ANXA8: variants seen among roughly 807,000 people sequenced by gnomAD.
The protein encoded by ANXA8 is VAC-beta.
Under a neutral mutation model 26.8 loss-of-function variants are expected in ANXA8, and 9 were observed. That is an observed-to-expected ratio of 0.34 (90% CI 0.20 to 0.59). The LOEUF is 0.59. Among genes scored for constraint, ANXA8 ranks in the 20% least tolerant of loss-of-function variants. The pLI, the probability that ANXA8 is intolerant of heterozygous loss-of-function variation, is 0.84. For synonymous variants in ANXA8, 39 were observed against 94.8 expected, an observed-to-expected ratio of 0.41 and a Z score of 3.42; for missense variants, 83 against 238.5, an observed-to-expected ratio of 0.35 and a Z score of 4.29.
At chr10:47,578,754 CAAA>C in the ANXA8 span, among the ~76,000 whole-genome samples, 7 of 147,550 alleles carry the variant, frequency 4.7e-5, no homozygotes, top group Admixed American at 1.4e-4. Flanking sequence ...TAACCAAACA[CAAA>C]AGAAGGTACT....
At chr10:47,684,441 G>T in the ANXA8 span, among the ~76,000 whole-genome samples, 17 of 151,776 alleles carry the variant, frequency 1.1e-4, no homozygotes, top group Non-Finnish European at 2.2e-4. Context: ...GGGTGAGGAG[G>T]GTAGGGTAAC....
the ANXA8 span, among the ~76,000 whole-genome samples, chr10:47,749,381 A>C: frequency 6.6e-6 from 1 of 151,846 alleles, no homozygotes; most frequent in Non-Finnish European, 1.5e-5. Context: ...ATAATAAAAA[A>C]AAAACAGAGT....
upstream of ANXA8, among the ~76,000 whole-genome samples, chr10:47,485,592 C>T (rs1377575981): frequency 4.1e-4 from 62 of 152,076 alleles, 2 homozygotes; most frequent in African/African-American, 1.3e-3. Flanking sequence ...ACCTTTTTTT[C>T]TCATTTCTGC....
At chr10:47,610,644 A>G in the ANXA8 span, among the ~76,000 whole-genome samples, 3 of 147,188 alleles carry the variant, frequency 2.0e-5, no homozygotes, top group South Asian at 6.5e-4. Flanking sequence ...TTCATTTTAA[A>G]AATTTTAACT....
chr10:47,627,200 A>G, the ANXA8 span, among the ~76,000 whole-genome samples: 1 of 150,060 alleles, frequency 6.7e-6, no homozygotes, highest in Non-Finnish European at 1.5e-5. Flanking sequence ...CTTTTCATGT[A>G]CTCTTAACTT....
chr10:47,676,211 T>C, the ANXA8 span, among the ~76,000 whole-genome samples: 42 of 151,728 alleles, frequency 2.8e-4, no homozygotes, highest in East Asian at 7.9e-3. Flanking sequence ...GTCTAACATA[T>C]ATGTAATTGG....
the ANXA8 span, among the ~76,000 whole-genome samples, chr10:47,722,886 A>C: frequency 6.3e-5 from 9 of 142,260 alleles, 1 homozygote; most frequent in Non-Finnish European, 9.3e-5. Flanking sequence ...AAGCGGTAGG[A>C]ATAAAAAGAA....
the ANXA8 span, among the ~76,000 whole-genome samples, chr10:47,768,340 G>A: frequency 6.6e-6 from 1 of 151,604 alleles, no homozygotes; most frequent in African/African-American, 2.4e-5. Context: ...TGAGCCATAA[G>A]AGGGCAGAAA....
chr10:47,945,073 T>C, the ANXA8 span, among the ~76,000 whole-genome samples: 5 of 150,466 alleles, frequency 3.3e-5, no homozygotes, highest in East Asian at 1.0e-3. Flanking sequence ...TCTATGTCAC[T>C]CCCTCTGGGA....
intron 1 of ANXA8, among the ~76,000 whole-genome samples, chr10:47,483,137 G>A (rs1839895932): frequency 6.6e-6 from 1 of 151,652 alleles, no homozygotes; most frequent in African/African-American, 2.4e-5. Flanking sequence ...AAGCTCCCGA[G>A]AACCCATCAG....
the ANXA8 span, among the ~76,000 whole-genome samples, chr10:47,701,742 G>A: frequency 6.6e-6 from 1 of 151,806 alleles, no homozygotes; most frequent in East Asian, 1.9e-4. Context: ...GGGCACGTAG[G>A]AGAGGGGTGG....
chr10:47,558,060 T>G, the ANXA8 span, among the ~76,000 whole-genome samples: 1 of 151,912 alleles, frequency 6.6e-6, no homozygotes, highest in East Asian at 1.9e-4. Context: ...TGCTTTGTGC[T>G]GTGTATAGTT....
the ANXA8 span, among the ~76,000 whole-genome samples, chr10:47,573,995 A>G: frequency 1.4e-5 from 2 of 141,452 alleles, no homozygotes; most frequent in South Asian, 4.6e-4. Flanking sequence ...AAAACATTAC[A>G]GTATACTGAT....
the ANXA8 span, among the ~76,000 whole-genome samples, chr10:47,663,591 G>A: frequency 1.6e-5 from 2 of 128,590 alleles, no homozygotes; most frequent in Non-Finnish European, 3.2e-5. Flanking sequence ...CACTATGTTG[G>A]CAGGCTGGTC....
At chr10:47,619,562 C>A in the ANXA8 span, among the ~76,000 whole-genome samples, 13 of 120,192 alleles carry the variant, frequency 1.1e-4, no homozygotes, top group Admixed American at 1.1e-3. Context: ...AAATTGTGGC[C>A]GCAGAATTCT....
the ANXA8 span, among the ~76,000 whole-genome samples, chr10:47,668,058 C>G: frequency 2.4e-3 from 359 of 151,582 alleles, 2 homozygotes; most frequent in African/African-American, 7.8e-3. Context: ...TTTTCAGTTA[C>G]GAAACTTACA....
At chr10:47,670,171 G>T in the ANXA8 span, among the ~76,000 whole-genome samples, 25 of 151,956 alleles carry the variant, frequency 1.6e-4, no homozygotes, top group African/African-American at 6.0e-4. Context: ...TTCATCTATG[G>T]TATAGCATAG....
chr10:47,700,918 C>T, the ANXA8 span, among the ~76,000 whole-genome samples: 2 of 150,624 alleles, frequency 1.3e-5, no homozygotes, highest in Non-Finnish European at 1.5e-5. Flanking sequence ...CCTGTCTCTA[C>T]AAAAAGTCAA....
chr10:47,893,962 GGC>G, the ANXA8 span, among the ~76,000 whole-genome samples: 3 of 60,574 alleles, frequency 5.0e-5, no homozygotes, highest in Non-Finnish European at 6.5e-5. Flanking sequence ...GACTGCCAGG[GGC>G]CAGCAGATTT....
Sources: gnomAD v4.1 joint callset for allele counts (sites outside exome capture counted in the v4.1 genomes callset) on GRCh38, gnomAD v4.1.1 for gene constraint, MANE v1.5 for transcripts, NCBI Gene and HGNC (gene_info 2026-07-23, HGNC 2026-07-21) for gene names.